Variants in POMGNT2 observed in about 807,000 individuals in gnomAD.
POMGNT2 encodes the protein protein O-linked-mannose beta-1,4-N-acetylglucosaminyltransferase 2.
In POMGNT2, 32 loss-of-function variants were observed where a neutral mutation model predicts 37.8. The observed-to-expected ratio is 0.85, with a 90% CI of 0.64 to 1.14. The LOEUF (loss-of-function observed/expected upper bound fraction) is 1.14, where lower values mean the gene tolerates loss of function less well. POMGNT2 is among the 50% of genes most tolerant of loss of function. The pLI is 0.00. For synonymous variants in POMGNT2, 340 were observed against 336.8 expected (o/e 1.01, Z -0.10); for missense variants, 705 against 780.6 (o/e 0.90, Z 1.15).
intron 1 of POMGNT2, among the ~76,000 whole-genome samples, chr3:43,105,142 C>G (rs2090048364): frequency 6.6e-6 from 1 of 152,234 alleles, no homozygotes; most frequent in South Asian, 2.1e-4. Flanking sequence ...CGCCCTGCAC[C>G]TGGTGCAAGA....
chr3:43,090,756 G>A (rs1336925347), intron 1 of POMGNT2: 1 of 152,212 alleles, frequency 6.6e-6, no homozygotes, highest in Admixed American at 6.5e-5. Flanking sequence ...GGGGGTGGAA[G>A]GGAGACCACC....
At chr3:43,082,596 G>A (rs2125702089) in intron 1 of POMGNT2, among the ~76,000 whole-genome samples, 1 of 152,330 alleles carries the variant, frequency 6.6e-6, no homozygotes, top group African/African-American at 2.4e-5. Context: ...CCTGCTCTGG[G>A]ACCCAGGATT....
At chr3:43,090,020 T>A (rs1375275125) in intron 1 of POMGNT2, among the ~76,000 whole-genome samples, 2 of 152,114 alleles carry the variant, frequency 1.3e-5, no homozygotes, top group African/African-American at 4.8e-5. Flanking sequence ...GGTTTTAACA[T>A]CACCTCCAGT....
chr3:43,079,624 T>A lies in POMGNT2; in HGVS notation c.*65A>T, dbSNP rs1441783597. ...GTTCCCAGAAGTCTCCACAGTGGGATTAATGGGCCCAGGGACGCTGAACTG... is the reference window on the plus strand; with the variant it reads ...GTTCCCAGAAGTCTCCACAGTGGGAATAATGGGCCCAGGGACGCTGAACTG... On this transcript the variant is annotated 3_prime_UTR_variant, in exon 2 of 2. Transcript: ENST00000344697. 7.0e-6 allele frequency: 10 copies of A among 1,430,354 alleles called. No individual in the cohort carries two copies. Among genetic ancestry groups the A allele is most frequent in the Non-Finnish European group, 9.6e-6 (10 of 1,042,430 alleles). 88.6% of individuals were successfully genotyped at this position (1,430,354 alleles called of 1,614,324 possible).
At chr3:43,091,743 A>G (rs1002258065) in intron 1 of POMGNT2, among the ~76,000 whole-genome samples, 5 of 152,234 alleles carry the variant, frequency 3.3e-5, no homozygotes, top group African/African-American at 1.2e-4. Context: ...CTATTGACGT[A>G]ATGTACCCCT....
In POMGNT2 at chr3:43,079,787, T is replaced by C; in HGVS notation, c.1645A>G (p.Asn549Asp). Residue 549 changes from asparagine (N) to aspartate (D), a missense_variant, in exon 2 of 2, where the codon AAC becomes GAC. By Grantham distance (23) the Asn-to-Asp change is conservative. Coordinates refer to ENST00000344697, the MANE Select transcript of POMGNT2 (RefSeq NM_032806.6). ...AGGTAGGTGGTGAAGGGCTTGATGT[T>C]CTCAGTGAAGGTGTGGTTCTGCAGA... ...LALQNHTFTE[N>D]IKPFTTYLVW... The C allele has an allele frequency of 6.2e-7, 1 of 1,614,186 alleles. No individual in the cohort carries two copies. Among genetic ancestry groups the C allele is most frequent in the Non-Finnish European group, 8.5e-7 (1 of 1,180,046 alleles).
intron 1 of POMGNT2, among the ~76,000 whole-genome samples, chr3:43,081,913 A>G (rs2089859667): frequency 6.6e-6 from 1 of 152,258 alleles, no homozygotes; most frequent in African/African-American, 2.4e-5. Flanking sequence ...TGGCCCCAAG[A>G]GGAGCGAGAT....
intron 1 of POMGNT2, among the ~76,000 whole-genome samples, chr3:43,094,861 A>G (rs1431703902): frequency 6.6e-6 from 1 of 152,166 alleles, no homozygotes; most frequent in African/African-American, 2.4e-5. Context: ...AGAGCACAAA[A>G]GCAGAGCTGG....
At chr3:43,082,258 G>C (rs2089862821) in intron 1 of POMGNT2, among the ~76,000 whole-genome samples, 1 of 152,178 alleles carries the variant, frequency 6.6e-6, no homozygotes. Context: ...TGTGAACACT[G>C]TTCCCAGGTT....
At position 43,080,807 on chromosome 3, in the gene POMGNT2, G is replaced by C. The variant is rs140274895; in HGVS notation, c.625C>G (p.Leu209Val). Residue 209 changes from leucine (L) to valine (V), a missense_variant, in exon 2 of 2, where the codon CTC becomes GTC. By Grantham distance (32) the Leu-to-Val change is conservative (BLOSUM62 1). Transcript: ENST00000344697. ...CGCAGGAGAGGCTGCTTGGGGCTGA[G>C]CAGCTTGTAGAGGTCGAAGTGTGCA... ...EGAHFDLYKL[L>V]SPKQPLLRAQ... 7 of 1,613,898 alleles carry C rather than the reference G, an allele frequency of 4.3e-6. No homozygotes were observed. Among genetic ancestry groups the C allele is most frequent in the Non-Finnish European group, 5.9e-6 (7 of 1,180,012 alleles).
intron 1 of POMGNT2, among the ~76,000 whole-genome samples, chr3:43,082,315 A>G (rs143347581): frequency 1.2e-3 from 185 of 152,288 alleles, no homozygotes; most frequent in Admixed American, 7.3e-3. Flanking sequence ...ACACACACGT[A>G]TGGTCAGCTA....
Position 43,080,089 on chromosome 3 carries a change from T to C in POMGNT2, c.1343A>G (p.Gln448Arg), listed in dbSNP as rs2089834096. 1 of 1,613,848 alleles carries C rather than the reference T, an allele frequency of 6.2e-7. No homozygotes were observed. Among genetic ancestry groups the C allele is most frequent in the Non-Finnish European group, 8.5e-7 (1 of 1,179,960 alleles). ...RNPEWLFRIY[Q>R]DTKVDIPSLI... is the part of the protein sequence containing the mutation. Reference sequence around the variant, plus strand: ...GGACGGGATGTCCACCTTGGTGTCCTGGTAGATTCGGAAGAGCCACTCGGG... The same window carrying C: ...GGACGGGATGTCCACCTTGGTGTCCCGGTAGATTCGGAAGAGCCACTCGGG... Residue 448 changes from glutamine to arginine, a missense_variant, in exon 2 of 2, where the codon CAG (glutamine) becomes CGG (arginine). Transcript: ENST00000344697.
chr3:43,105,620 C>A (rs995506382), intron 1 of POMGNT2, among the ~76,000 whole-genome samples: 1 of 150,732 alleles, frequency 6.6e-6, no homozygotes, highest in African/African-American at 2.4e-5. Context: ...CCACCCCCGC[C>A]CCGCCCACCT....
chr3:43,080,211 C>A lies in POMGNT2; in HGVS notation c.1221G>T (p.Arg407=), dbSNP rs2125699837. The change falls in exon 2 of 2, where the codon CGG becomes CGT. Residue 407 remains arginine, a synonymous_variant. Transcript: ENST00000344697. ...MPENTVTHPE[R]PWDQGGITHL... The stretch of plus-strand genomic sequence containing the variant: ...GGGTGATGCCCCCCTGATCCCAGGG[C>A]CGCTCAGGGTGTGTGACTGTGTTCT... The A allele has an allele frequency of 6.2e-7, 1 of 1,614,106 alleles. No individual in the cohort carries two copies. The highest frequency in any genetic ancestry group is 8.5e-7 in the Non-Finnish European group (1 of 1,180,006).
At position 43,098,849 on chromosome 3, in the gene POMGNT2, T is replaced by C. The variant is rs924133055; in HGVS notation, c.-106+6987A>G. On this transcript the variant is annotated intron_variant, in intron 1 of 1. Transcript: ENST00000344697. The surrounding 1 kb of genome is among the most constrained non-coding windows in gnomAD (Gnocchi z 4.3). The stretch of plus-strand genomic sequence containing the variant: ...TGAGTGTGGGGCAGGACGTTCGGCC[T>C]TCCACCAGCTCATATGCAACCCTCT... 1.3e-5 allele frequency among the ~76,000 whole-genome samples: 2 copies of C among 152,198 alleles called. No homozygotes were observed. The highest frequency in any genetic ancestry group is 4.8e-5 in the African/African-American group (2 of 41,444).
intron 1 of POMGNT2, among the ~76,000 whole-genome samples, chr3:43,090,011 G>A (rs781580189): frequency 7.9e-5 from 12 of 152,090 alleles, no homozygotes; most frequent in Non-Finnish European, 1.3e-4. Flanking sequence ...TCTTAGCTGG[G>A]TTTTAACATC....
Position 43,081,216 on chromosome 3 carries a change from G to A in POMGNT2, c.216C>T (p.Arg72=). ...AGCGGCAGATGCGGTCTGTGTGCGTGCGGCCCGTGCACACCATGTGTGTGC... is the reference window on the plus strand; with the variant it reads ...AGCGGCAGATGCGGTCTGTGTGCGTACGGCCCGTGCACACCATGTGTGTGC... ...EGGTHMVCTG[R]THTDRICRFK... Residue 72 remains arginine (R), a synonymous_variant, in exon 2 of 2, where the codon CGC becomes CGT. Coordinates refer to ENST00000344697, the MANE Select transcript of POMGNT2 (RefSeq NM_032806.6). The A allele has an allele frequency of 6.2e-7, 1 of 1,614,052 alleles. No homozygotes were observed. Among genetic ancestry groups the A allele is most frequent in the South Asian group, 1.1e-5 (1 of 91,088 alleles).
intron 1 of POMGNT2, among the ~76,000 whole-genome samples, chr3:43,097,118 C>T (rs776071230): frequency 3.3e-5 from 5 of 152,114 alleles, no homozygotes; most frequent in African/African-American, 9.7e-5. Flanking sequence ...GCCCCAGACA[C>T]GGGCACAGAA....
intron 1 of POMGNT2, among the ~76,000 whole-genome samples, chr3:43,101,086 C>A (rs1182868608): frequency 6.6e-6 from 1 of 152,188 alleles, no homozygotes; most frequent in Non-Finnish European, 1.5e-5. Flanking sequence ...AAGAGTGAGG[C>A]TGCTCCTGAG....
Sources: allele counts gnomAD v4.1 joint callset (sites outside exome capture counted in the v4.1 genomes callset), GRCh38; gene constraint gnomAD v4.1.1; non-coding constraint Gnocchi (gnomAD v3.1); transcripts MANE v1.5; gene names NCBI Gene and HGNC (gene_info 2026-07-23, HGNC 2026-07-21).